The following MERTK variants were observed in gnomAD, a reference collection of about 807,000 sequenced individuals.
The protein encoded by MERTK is MER proto-oncogene, tyrosine kinase, also known as tyrosine-protein kinase Mer.
In MERTK, 69 loss-of-function variants were observed where a neutral mutation model predicts 99.3. That is an observed-to-expected ratio of 0.70 (90% confidence interval 0.57 to 0.85). The LOEUF (loss-of-function observed/expected upper bound fraction) is 0.85. Ranked by LOEUF, MERTK falls within the 40% of genes least tolerant of loss-of-function variation. MERTK has a pLI of 0.00. For missense variants in MERTK, 1,125 were observed against 1,249.4 expected (o/e 0.90, Z 1.50); for synonymous variants, 426 against 467.6 (o/e 0.91, Z 1.15).
intron 1 of MERTK, among the ~76,000 whole-genome samples, chr2:111,912,282 C>T (rs770508331): frequency 1.4e-4 from 21 of 152,056 alleles, no homozygotes; most frequent in African/African-American, 2.9e-4. Flanking sequence ...GCTGGAATTA[C>T]GGGCATGAGC....
chr2:111,937,441 G>A (rs941679103), intron 2 of MERTK, among the ~76,000 whole-genome samples: 8 of 152,018 alleles, frequency 5.3e-5, no homozygotes, highest in Non-Finnish European at 7.4e-5. Flanking sequence ...ACACTGCCTC[G>A]AAAACAAAAC....
chr2:111,901,559 C>CTTTTTTTTT (rs11459119), intron 1 of MERTK, among the ~76,000 whole-genome samples: 2 of 131,196 alleles, frequency 1.5e-5, no homozygotes, highest in Non-Finnish European at 1.6e-5. Flanking sequence ...TTCTTTCTTT[C>CTTTTTTTTT]TTTTTTTTTT....
chr2:112,001,169 A>G (rs763280062), intron 10 of MERTK, 32 bp from the exon 11 acceptor site: 41 of 1,550,976 alleles, frequency 2.6e-5, no homozygotes, highest in Admixed American at 1.3e-4. Context: ...CCCTGTTTTT[A>G]TAGTGAAGTA....
At chr2:111,910,397 G>A (rs914725697) in intron 1 of MERTK, among the ~76,000 whole-genome samples, 8 of 151,982 alleles carry the variant, frequency 5.3e-5, no homozygotes, top group African/African-American at 1.9e-4. Context: ...GGCACCCCGA[G>A]TAGCTGGGAT....
Position 111,968,128 on chromosome 2 carries a change from T to C in MERTK, c.845-9T>C. The C allele has an allele frequency of 6.3e-7, 1 of 1,598,682 alleles. No individual in the cohort carries two copies. Among genetic ancestry groups the C allele is most frequent in the Non-Finnish European group, 8.6e-7 (1 of 1,166,026 alleles). On this transcript the variant is annotated splice_polypyrimidine_tract_variant and intron_variant, in intron 5 of 18. Transcript: ENST00000295408. ...GTGTATGTGTGTGTGTGTGTTTTGT[T>C]TTATGCAGCAATTCCCTCCCCACCA...
intron 1 of MERTK, among the ~76,000 whole-genome samples, chr2:111,910,370 A>G (rs927265004): frequency 1.3e-5 from 2 of 151,924 alleles, no homozygotes; most frequent in Non-Finnish European, 2.9e-5. Context: ...CCTGGGTTCA[A>G]GTGATTCTTC....
intron 1 of MERTK, among the ~76,000 whole-genome samples, chr2:111,904,135 C>T (rs550126847): frequency 6.6e-6 from 1 of 152,252 alleles, no homozygotes; most frequent in East Asian, 1.9e-4. Context: ...GCAGGGCCCG[C>T]CCTGACTGCC....
intron 6 of MERTK, among the ~76,000 whole-genome samples, chr2:111,968,776 G>T (rs561353322): frequency 6.6e-6 from 1 of 152,036 alleles, no homozygotes; most frequent in Non-Finnish European, 1.5e-5. Context: ...TGATCCGCCC[G>T]CCTCGGCCTC....
At chr2:111,928,673 A>C (rs1684612314) in intron 1 of MERTK, among the ~76,000 whole-genome samples, 4 of 152,126 alleles carry the variant, frequency 2.6e-5, no homozygotes, top group Admixed American at 1.3e-4. Flanking sequence ...TTTAGTAGAG[A>C]CAGGTTTTTG....
At chr2:112,028,306 A>T (rs748332915) in intron 18 of MERTK, 45 bp from the exon 19 acceptor site, 4 of 1,574,086 alleles carry the variant, frequency 2.5e-6, no homozygotes, top group South Asian at 1.1e-5. Context: ...GCACAAAGAG[A>T]TGGGTGCCAT....
chr2:111,898,790 C>A lies in MERTK; in HGVS notation c.55C>A (p.Arg19Ser). 6.3e-7 allele frequency: 1 copy of A among 1,595,080 alleles called. No individual in the cohort carries two copies. Among genetic ancestry groups the A allele is most frequent in the East Asian group, 2.3e-5 (1 of 44,044 alleles). The change falls in exon 1 of 19, where the codon CGT (arginine) becomes AGT (serine). Residue 19 changes from arginine to serine, a missense_variant. Physicochemically the swap from Arg to Ser is moderately radical, Grantham distance 110. Transcript: ENST00000295408. Reference sequence around the variant, plus strand: ...GGGCCTCTTCCTCCCCGCGCTCTGGCGTAGAGGTGAGTGCGCCCGGCTGGG... The same window carrying A: ...GGGCCTCTTCCTCCCCGCGCTCTGGAGTAGAGGTGAGTGCGCCCGGCTGGG... ...LLGLFLPALW[R>S]RAITEAREEA...
chr2:111,972,440 G>A (rs928924987), intron 6 of MERTK, among the ~76,000 whole-genome samples: 1 of 152,154 alleles, frequency 6.6e-6, no homozygotes. Context: ...TGGGTAGGAT[G>A]GTTGAAAAGT....
chr2:111,954,971 G>T (rs1297249835), intron 4 of MERTK, among the ~76,000 whole-genome samples: 3 of 152,104 alleles, frequency 2.0e-5, no homozygotes, highest in African/African-American at 7.2e-5. Context: ...GTCCCTTCCA[G>T]TAATTCATGT....
chr2:111,902,784 T>C (rs993019674), intron 1 of MERTK, among the ~76,000 whole-genome samples: 22 of 72,734 alleles, frequency 3.0e-4, no homozygotes, highest in African/African-American at 1.0e-3. Context: ...CTTCCTTCCT[T>C]CCTTCCTCCC....
chr2:111,987,017 A>G (rs1275940200), intron 8 of MERTK, among the ~76,000 whole-genome samples: 2 of 152,178 alleles, frequency 1.3e-5, no homozygotes, highest in African/African-American at 2.4e-5. Context: ...ATTTCCTTCA[A>G]TTTCCTTCAT....
rs886054759 is a variant in MERTK at position 112,019,414 on chromosome 2, A to G, written c.2081A>G (p.His694Arg). 6.2e-7 allele frequency: 1 copy of G among 1,606,210 alleles called. No homozygotes were observed. Among genetic ancestry groups the G allele is most frequent in the Non-Finnish European group, 8.5e-7 (1 of 1,172,906 alleles). Reference sequence around the variant, plus strand: ...CTTCTTGTTTCCTCTATCATCTAGCATATTCCTCTGCAGACACTATTGAAG... The same window carrying G: ...CTTCTTGTTTCCTCTATCATCTAGCGTATTCCTCTGCAGACACTATTGAAG... ...LYSRLETGPK[H>R]IPLQTLLKFM... Residue 694 changes from histidine to arginine, a missense_variant and splice_region_variant, in exon 16 of 19, where the codon CAT (histidine) becomes CGT (arginine). Physicochemically the swap from His to Arg is conservative, Grantham distance 29. Transcript: ENST00000295408.
intron 6 of MERTK, among the ~76,000 whole-genome samples, chr2:111,974,066 C>T (rs926026357): frequency 6.8e-5 from 10 of 148,010 alleles, no homozygotes; most frequent in African/African-American, 2.0e-4. Flanking sequence ...CTGTTGGGGT[C>T]GAAGGGGTTA....
chr2:111,970,079 G>A (rs1488976622), intron 6 of MERTK, among the ~76,000 whole-genome samples: 3 of 151,828 alleles, frequency 2.0e-5, no homozygotes, highest in Non-Finnish European at 2.9e-5. Context: ...AATTCTTACT[G>A]CATCTACAAT....
intron 1 of MERTK, among the ~76,000 whole-genome samples, chr2:111,919,732 G>A (rs1162103341): frequency 1.3e-5 from 2 of 151,634 alleles, no homozygotes; most frequent in African/African-American, 4.9e-5. Flanking sequence ...GCTAACATGT[G>A]TGTTCAAGGC....
Sources: allele counts gnomAD v4.1 joint callset (sites outside exome capture counted in the v4.1 genomes callset), GRCh38; gene constraint gnomAD v4.1.1; transcripts MANE v1.5; gene names NCBI Gene and HGNC (gene_info 2026-07-23, HGNC 2026-07-21).